RD3: variants seen among roughly 807,000 people sequenced by gnomAD.
The protein encoded by RD3 is protein RD3.
Under a neutral mutation model 16.9 loss-of-function variants are expected in RD3, and 11 were observed. The observed-to-expected ratio is 0.65, with a 90% CI of 0.41 to 1.08. RD3 has a LOEUF of 1.08. Among genes scored for constraint, RD3 ranks in the 50% least tolerant of loss-of-function variants. RD3 has a pLI of 0.00. For synonymous variants in RD3, 116 were observed against 114.8 expected, an observed-to-expected ratio of 1.01 and a Z score of -0.07; for missense variants, 274 against 267.4, an observed-to-expected ratio of 1.02 and a Z score of -0.17.
chr1:211,485,562 C>A (rs987288725), intron 1 of RD3, among the ~76,000 whole-genome samples: 2 of 152,192 alleles, frequency 1.3e-5, no homozygotes, highest in Non-Finnish European at 2.9e-5. Context: ...TCCCCAGAAC[C>A]TGAACCTCGG....
intron 1 of RD3, among the ~76,000 whole-genome samples, chr1:211,487,335 G>T (rs371457994): frequency 6.6e-6 from 1 of 152,100 alleles, no homozygotes; most frequent in Non-Finnish European, 1.5e-5. Flanking sequence ...ATAAGCTTCC[G>T]AACCACAGTG....
chr1:211,481,780 C>T (rs1036454860), intron 1 of RD3, among the ~76,000 whole-genome samples: 13 of 152,164 alleles, frequency 8.5e-5, no homozygotes, highest in African/African-American at 3.1e-4. Flanking sequence ...GCTGGAAACA[C>T]ATGGACTATG....
chr1:211,481,422 T>C lies in RD3; in HGVS notation c.-7A>G, dbSNP rs752414387. On this transcript the variant is annotated 5_prime_UTR_variant, in exon 2 of 3. Coordinates refer to ENST00000680073, the MANE Select transcript of RD3 (RefSeq NM_001164688.2). ...GCCATGAGATGAGAGACATAGCCCC[T>C]GGCCCTGCTGAGACAGGACAGATGT... is the stretch of plus-strand genomic sequence containing the variant. 2.0e-5 allele frequency: 32 copies of C among 1,611,986 alleles called. No homozygotes were observed. Among genetic ancestry groups the C allele is most frequent in the Non-Finnish European group, 2.6e-5 (31 of 1,179,984 alleles).
At chr1:211,484,977 T>C (rs1479150312) in intron 1 of RD3, among the ~76,000 whole-genome samples, 2 of 152,206 alleles carry the variant, frequency 1.3e-5, no homozygotes, top group African/African-American at 4.8e-5. Flanking sequence ...GGAATTCTGA[T>C]TTCAGTCCCT....
In RD3 at chr1:211,481,233, G is replaced by A; in HGVS notation, c.183C>T (p.Ser61=). 1 of 1,614,282 alleles carries A rather than the reference G, an allele frequency of 6.2e-7. No individual in the cohort carries two copies. Among genetic ancestry groups the A allele is most frequent in the African/African-American group, 1.3e-5 (1 of 75,082 alleles). ...TGGACCGGGGTGTGCTGGCCAGCCA[G>A]CTGTAGTCCACACCGGTGCAGACCT... ...VRKVCTGVDY[S]WLASTPRSTY... Residue 61 remains serine, a synonymous_variant, in exon 2 of 3, where the codon AGC becomes AGT. Coordinates refer to ENST00000680073, the MANE Select transcript of RD3 (RefSeq NM_001164688.2).
At position 211,479,189 on chromosome 1, in the gene RD3, C is replaced by T. The variant is rs1705212286; in HGVS notation, c.435G>A (p.Arg145=). The change falls in exon 3 of 3, where the codon CGG becomes CGA. Residue 145 remains arginine, a synonymous_variant. Transcript: ENST00000680073. The part of the protein sequence containing the change: ...AHKLTRQWSL[R]PRGSLATFKT... ...TGAAGGTGGCCAGGCTGCCGCGGGG[C>T]CGCAGGCTCCACTGGCGCGTCAGCT... 4 of 1,612,388 alleles carry T rather than the reference C, an allele frequency of 2.5e-6. No individual in the cohort carries two copies. Among genetic ancestry groups the T allele is most frequent in the Non-Finnish European group, 3.4e-6 (4 of 1,179,474 alleles).
At position 211,489,842 on chromosome 1, in the gene RD3, C is replaced by T. The variant is rs151109443; in HGVS notation, c.-12+1926G>A. 9.2e-3 allele frequency among the ~76,000 whole-genome samples: 1,405 copies of T among 152,150 alleles called. 22 individuals carry two copies. Among genetic ancestry groups the T allele is most frequent in the Non-Finnish European group, 0.011 (771 of 68,006 alleles). On this transcript the variant is annotated intron_variant, in intron 1 of 2. Transcript: ENST00000680073. ...CAAGAGAAGGCCCAGGTGGTGAGGCCTCAGGTTTACAGAGCAGAGTGGATG... is the reference window on the plus strand; with the variant it reads ...CAAGAGAAGGCCCAGGTGGTGAGGCTTCAGGTTTACAGAGCAGAGTGGATG...
intron 1 of RD3, among the ~76,000 whole-genome samples, 193 bp downstream of exon 1, chr1:211,491,575 T>A (rs907006410): frequency 6.6e-6 from 1 of 152,150 alleles, no homozygotes; most frequent in African/African-American, 2.4e-5. Context: ...CCTGTGGAAC[T>A]GATGAGGACT....
Position 211,478,706 on chromosome 1 carries a change from C to A in RD3, c.*330G>T. On this transcript the variant is annotated 3_prime_UTR_variant, in exon 3 of 3. Transcript: ENST00000680073. ...CTTGCCAAAAGGCAGGGCAACTGTC[C>A]CCTTTTAGACAGAACCAGGAGATGA... 1 of 325,640 alleles carries A rather than the reference C, an allele frequency of 3.1e-6. No individual in the cohort carries two copies. The highest frequency in any genetic ancestry group is 5.0e-5 in the East Asian group (1 of 20,132). The allele number at this position is 325,640 out of a possible 1,614,324, so 20.2% of individuals were successfully genotyped here. A position where few individuals can be genotyped will look rare whatever the true frequency, so the allele number is the denominator to read the frequency against.
chr1:211,482,458 G>A (rs1705293876), intron 1 of RD3, among the ~76,000 whole-genome samples: 1 of 151,910 alleles, frequency 6.6e-6, no homozygotes, highest in Non-Finnish European at 1.5e-5. Flanking sequence ...TGTGGGAGGG[G>A]AAGGTGTGAC....
At position 211,476,955 on chromosome 1, in the gene RD3, G is replaced by A. The variant is rs886045892; in HGVS notation, c.*2081C>T. 1 of 152,102 alleles carries A rather than the reference G, an allele frequency of 6.6e-6. No individual in the cohort carries two copies. The highest frequency in any genetic ancestry group is 1.5e-5 in the Non-Finnish European group (1 of 68,044). 9.4% of individuals were successfully genotyped at this position (152,102 alleles called of 1,614,324 possible). On this transcript the variant is annotated 3_prime_UTR_variant, in exon 3 of 3. Coordinates refer to ENST00000680073, the MANE Select transcript of RD3 (RefSeq NM_001164688.2). ...AGGGCACCCGGAAAGCCCACAATGTGGAGGCCTTTTTCTAATCCTCCCCCA... is the reference window on the plus strand; with the variant it reads ...AGGGCACCCGGAAAGCCCACAATGTAGAGGCCTTTTTCTAATCCTCCCCCA...
At position 211,486,566 on chromosome 1, in the gene RD3, G is replaced by T. The variant is rs368737267; in HGVS notation, c.-11-5140C>A. Among the ~76,000 whole-genome samples, 13 of 149,792 alleles carry T rather than the reference G, an allele frequency of 8.7e-5. No individual in the cohort carries two copies. In the South Asian group the frequency reaches 1.3e-3, roughly 15 times the overall value. ...GCTGGATGTTAGAAAATAATCCATG[G>T]GGCTGGGCACGGTGGCTCACATCTG... On this transcript the variant is annotated intron_variant, in intron 1 of 2. Coordinates refer to ENST00000680073, the MANE Select transcript of RD3 (RefSeq NM_001164688.2).
Position 211,481,180 on chromosome 1 carries a change from A to G in RD3, c.236T>C (p.Leu79Ser). 1 of 1,614,264 alleles carries G rather than the reference A, an allele frequency of 6.2e-7. No homozygotes were observed. Among genetic ancestry groups the G allele is most frequent in the Non-Finnish European group, 8.5e-7 (1 of 1,180,030 alleles). The change falls in exon 2 of 3, where the codon TTG (leucine) becomes TCG (serine). Residue 79 changes from leucine to serine, a missense_variant. Coordinates refer to ENST00000680073, the MANE Select transcript of RD3 (RefSeq NM_001164688.2). ...STYDLSPIER[L>S]QLEDVCVKIH... ...CTTAACGCAGACATCTTCCAGCTGCAACCGCTCAATGGGGCTGAGGTCATA... is the reference window on the plus strand; with the variant it reads ...CTTAACGCAGACATCTTCCAGCTGCGACCGCTCAATGGGGCTGAGGTCATA...
rs569427790 is a variant in RD3 at position 211,486,028 on chromosome 1, C to T, written c.-11-4602G>A. Among the ~76,000 whole-genome samples, 5 of 151,508 alleles carry T rather than the reference C, an allele frequency of 3.3e-5. No homozygotes were observed. The South Asian group carries it at 1.0e-3, about 32-fold the overall frequency. ...TTGTGGCATGCGCCTGTAGTTCCAA[C>T]TACTCAGGAGGCTGAGGTGGGAGGA... On this transcript the variant is annotated intron_variant, in intron 1 of 2. Transcript: ENST00000680073.
intron 1 of RD3, among the ~76,000 whole-genome samples, chr1:211,488,880 T>A (rs1240770110): frequency 6.6e-6 from 1 of 152,160 alleles, no homozygotes; most frequent in African/African-American, 2.4e-5. Context: ...CCACCTCCAC[T>A]GCTTTTGACC....
At chr1:211,486,364 G>C (rs971339710) in intron 1 of RD3, among the ~76,000 whole-genome samples, 1 of 151,434 alleles carries the variant, frequency 6.6e-6, no homozygotes, top group Non-Finnish European at 1.5e-5. Flanking sequence ...CATTAGCTGG[G>C]CATGGTGGCG....
chr1:211,481,635 A>T (rs1705268229), intron 1 of RD3, among the ~76,000 whole-genome samples: 1 of 152,264 alleles, frequency 6.6e-6, no homozygotes. Flanking sequence ...TGTTGTGAGA[A>T]GCAGTTGTGA....
chr1:211,478,076 G>A lies in RD3; in HGVS notation c.*960C>T, dbSNP rs1380347279. The A allele has an allele frequency of 7.5e-6, 3 of 398,660 alleles. No homozygotes were observed. The highest frequency in any genetic ancestry group is 8.8e-6 in the Non-Finnish European group (2 of 226,148). 24.7% of individuals were successfully genotyped at this position (398,660 alleles called of 1,614,324 possible). A position where few individuals can be genotyped will look rare whatever the true frequency, so the allele number is the denominator to read the frequency against. ...ATCACTTTCTGGAGAAAGCCAGAGA[G>A]CAGGTGTGACCAGCTGCAGAAAGCG... On this transcript the variant is annotated 3_prime_UTR_variant, in exon 3 of 3. Coordinates refer to ENST00000680073, the MANE Select transcript of RD3 (RefSeq NM_001164688.2).
At chr1:211,487,390 T>C (rs368479396) in intron 1 of RD3, among the ~76,000 whole-genome samples, 13 of 152,374 alleles carry the variant, frequency 8.5e-5, no homozygotes, top group Admixed American at 3.9e-4. Context: ...TACGCGTTTG[T>C]GATAAATGTG....
Sources: gnomAD v4.1 joint callset for allele counts (sites outside exome capture counted in the v4.1 genomes callset) on GRCh38, gnomAD v4.1.1 for gene constraint, MANE v1.5 for transcripts, NCBI Gene and HGNC (gene_info 2026-07-23, HGNC 2026-07-21) for gene names.